The following TRMT44 variants were observed in gnomAD, a reference collection of about 807,000 sequenced individuals.
TRMT44 encodes probable tRNA (uracil-O(2)-)-methyltransferase.
TRMT44 carries 78 observed loss-of-function variants against 77.3 expected under a neutral mutation model. That is an observed-to-expected ratio of 1.01 (90% confidence interval 0.84 to 1.22). The LOEUF (loss-of-function observed/expected upper bound fraction) is 1.22. Ranked by LOEUF, TRMT44 falls within the 50% of genes most tolerant of loss-of-function variation. The pLI is 0.00. For missense variants in TRMT44, 1,090 were observed against 964.4 expected (o/e 1.13, Z -1.73); for synonymous variants, 391 against 383.3 (o/e 1.02, Z -0.23).
In TRMT44 at chr4:8,441,372, A is replaced by G; in HGVS notation, c.550A>G (p.Arg184Gly). The G allele has an allele frequency of 1.3e-6, 2 of 1,533,050 alleles. No individual in the cohort carries two copies. Among genetic ancestry groups the G allele is most frequent in the Non-Finnish European group, 1.7e-6 (2 of 1,144,718 alleles). 95.0% of individuals were successfully genotyped at this position (1,533,050 alleles called of 1,614,324 possible). ...GCAGCGTGAGCTCGACGTGGTTCTC[A>G]GAACCGTCATCCCGAAAACTAGCCC... ...EAQRELDVVL[R>G]TVIPKTSPHC... Residue 184 changes from arginine to glycine, a missense_variant, in exon 1 of 11, where the codon AGA becomes GGA. Coordinates refer to ENST00000389737, the MANE Select transcript of TRMT44 (RefSeq NM_152544.3).
the TRMT44 span, among the ~76,000 whole-genome samples, chr4:8,515,837 GAA>G: frequency 6.6e-6 from 1 of 152,250 alleles, no homozygotes; most frequent in Non-Finnish European, 1.5e-5. Flanking sequence ...CCCACTTGGT[GAA>G]AGTCCATCAA....
chr4:8,455,110 T>TG (rs950581378), intron 6 of TRMT44, among the ~76,000 whole-genome samples: 10 of 152,202 alleles, frequency 6.6e-5, no homozygotes, highest in African/African-American at 2.4e-4. Flanking sequence ...AGCCTTGAGG[T>TG]GGGGGCTGTG....
intron 9 of TRMT44, 93 bp from the exon 10 acceptor site, chr4:8,470,991 G>A (rs752750457): frequency 4.8e-6 from 4 of 827,370 alleles, no homozygotes; most frequent in Non-Finnish European, 8.0e-6. Context: ...GCGTGTGAGT[G>A]TATGGAACTG....
In TRMT44 at chr4:8,485,893, C is replaced by T. The variant is rs142926531; in HGVS notation, n.3891+6360C>T. On this transcript the variant is annotated intron_variant and non_coding_transcript_variant, in intron 2 of 2. Coordinates refer to the TRMT44 transcript ENST00000511366. ...ACAACAGTTATTGGGGCGAGGGAAACAGGCCCTTGAAAAGAAGGCAACGTG... is the reference window on the plus strand; with the variant it reads ...ACAACAGTTATTGGGGCGAGGGAAATAGGCCCTTGAAAAGAAGGCAACGTG... Among the ~76,000 whole-genome samples the T allele has an allele frequency of 2.6e-5, 4 of 152,234 alleles. No homozygotes were observed. In the East Asian group the frequency reaches 5.8e-4, roughly 22 times the overall value.
At chr4:8,477,913 C>G (rs940106899), downstream of TRMT44, 1 of 152,824 alleles carries the variant, frequency 6.5e-6, no homozygotes, top group African/African-American at 2.4e-5. Flanking sequence ...CCAGCCCTGC[C>G]GCCGCCTCCT....
At position 8,487,938 on chromosome 4, in the gene TRMT44, G is replaced by A. The variant is rs185818760; in HGVS notation, n.3892-5328G>A. Among the ~76,000 whole-genome samples the A allele has an allele frequency of 8.5e-5, 13 of 152,278 alleles. No homozygotes were observed. The East Asian group carries it at 1.5e-3, about 18-fold the overall frequency. On this transcript the variant is annotated intron_variant and non_coding_transcript_variant, in intron 2 of 2. Transcript: ENST00000511366. Reference sequence around the variant, plus strand: ...AGGCTGCCTTCCCTAGTCTGTGACCGGCGCCGGAGTTTTGGATCCACGGAT... The same window carrying A: ...AGGCTGCCTTCCCTAGTCTGTGACCAGCGCCGGAGTTTTGGATCCACGGAT...
At chr4:8,497,065 C>G (rs1728169072), downstream of TRMT44, among the ~76,000 whole-genome samples, 1 of 151,538 alleles carries the variant, frequency 6.6e-6, no homozygotes. Flanking sequence ...TATTTAGCAG[C>G]TCACTTCAAG....
At chr4:8,486,688 T>A (rs1001502521) in intron 2 of TRMT44, among the ~76,000 whole-genome samples, 2 of 152,078 alleles carry the variant, frequency 1.3e-5, no homozygotes, top group African/African-American at 4.8e-5. Context: ...GCTATCTGAT[T>A]TGGGATAAAG....
intron 2 of TRMT44, among the ~76,000 whole-genome samples, chr4:8,448,437 G>A (rs575784717): frequency 1.3e-5 from 2 of 152,298 alleles, no homozygotes; most frequent in South Asian, 4.1e-4. Flanking sequence ...GAGTGTGGCC[G>A]AGGTATGTGG....
At chr4:8,449,953 T>TTTTTTC in intron 3 of TRMT44, 65 bp downstream of exon 3, 2 of 545,128 alleles carry the variant, frequency 3.7e-6, no homozygotes, top group Non-Finnish European at 5.2e-6. Flanking sequence ...TCTTTTCTTT[T>TTTTTTC]TTTTTTTTTT....
chr4:8,475,625 T>A (rs1050546940), intron 10 of TRMT44, 147 bp from the exon 11 acceptor site: 11 of 711,458 alleles, frequency 1.5e-5, no homozygotes, highest in Non-Finnish European at 2.6e-5. Flanking sequence ...AGACTCACTG[T>A]GACCAGCAGG....
intron 2 of TRMT44, among the ~76,000 whole-genome samples, chr4:8,484,323 G>A (rs1727735435): frequency 1.3e-5 from 2 of 152,176 alleles, no homozygotes; most frequent in African/African-American, 4.8e-5. Context: ...GTGATTGTGG[G>A]AGACTCAACA....
At chr4:8,493,647 G>T (rs1405195204), downstream of TRMT44, 2 of 152,170 alleles carry the variant, frequency 1.3e-5, no homozygotes, top group African/African-American at 2.4e-5. Context: ...CCTCTGTCTG[G>T]TCTTCAGTCT....
At chr4:8,478,718 C>T (rs1164431118), downstream of TRMT44, 2 of 152,270 alleles carry the variant, frequency 1.3e-5, no homozygotes, top group African/African-American at 4.8e-5. Context: ...GAGGGAATGC[C>T]ATGAAGGTGG....
chr4:8,464,193 C>A, intron 7 of TRMT44, 102 bp downstream of exon 7: 1 of 816,576 alleles, frequency 1.2e-6, no homozygotes, highest in Non-Finnish European at 2.0e-6. Flanking sequence ...AGTTGTCAAG[C>A]ACTTGAAATG....
intron 6 of TRMT44, among the ~76,000 whole-genome samples, chr4:8,463,355 A>T (rs1281624887): frequency 6.6e-6 from 1 of 152,234 alleles, no homozygotes; most frequent in Non-Finnish European, 1.5e-5. Context: ...TTCTTAAATC[A>T]TAAAAGCAAG....
At chr4:8,508,450 C>T in the TRMT44 span, among the ~76,000 whole-genome samples, 2 of 152,194 alleles carry the variant, frequency 1.3e-5, no homozygotes, top group Non-Finnish European at 2.9e-5. Context: ...CAAGCCCCCT[C>T]CCCAAGTGAC....
At chr4:8,468,381 C>T (rs146240562) in intron 9 of TRMT44, 35 bp downstream of exon 9, 57 of 1,601,078 alleles carry the variant, frequency 3.6e-5, no homozygotes, top group Middle Eastern at 1.7e-4. Flanking sequence ...GGGGCTAGCA[C>T]GCTCCCAGGC....
At chr4:8,486,837 G>A (rs1440649580) in intron 2 of TRMT44, among the ~76,000 whole-genome samples, 2 of 152,166 alleles carry the variant, frequency 1.3e-5, no homozygotes, top group Non-Finnish European at 2.9e-5. Context: ...GTGATAAAAG[G>A]ATTATAGGGT....
Sources: gnomAD v4.1 joint callset for allele counts (sites outside exome capture counted in the v4.1 genomes callset) on GRCh38, gnomAD v4.1.1 for gene constraint, MANE v1.5 for transcripts, NCBI Gene and HGNC (gene_info 2026-07-23, HGNC 2026-07-21) for gene names.